The following EGFL7 variants were observed in gnomAD, a reference collection of about 807,000 sequenced individuals.
EGFL7 encodes EGF like domain multiple 7.
In EGFL7, 48 loss-of-function variants were observed where a neutral mutation model predicts 37.1. That is an observed-to-expected ratio of 1.29 (90% CI 1.03 to 1.65). The LOEUF is 1.65. Among genes scored for constraint, EGFL7 ranks in the 40% most tolerant of loss-of-function variants. The pLI is 0.00. For synonymous variants in EGFL7, 180 were observed against 156.8 expected, an observed-to-expected ratio of 1.15 and a Z score of -1.10; for missense variants, 384 against 378.9, an observed-to-expected ratio of 1.01 and a Z score of -0.11.
intron 4 of EGFL7, 33 bp downstream of exon 4, chr9:136,668,395 T>C: frequency 6.4e-7 from 1 of 1,550,702 alleles, no homozygotes; most frequent in South Asian, 1.2e-5. Flanking sequence ...AGTGCTGGGG[T>C]GGGGGGACCG....
chr9:136,671,909 C>A lies in EGFL7; in HGVS notation c.637-17C>A. On this transcript the variant is annotated splice_polypyrimidine_tract_variant and intron_variant, in intron 9 of 10. Coordinates refer to ENST00000308874, the MANE Select transcript of EGFL7 (RefSeq NM_016215.5). The stretch of plus-strand genomic sequence containing the variant: ...GGCGGGGGCCGGCCCAGGGTCACTG[C>A]CCTTCTGCACCCACAGAAGCTGCAG... 6.8e-7 allele frequency: 1 copy of A among 1,481,392 alleles called. No homozygotes were observed. 91.8% of individuals were successfully genotyped at this position (1,481,392 alleles called of 1,614,324 possible).
rs113610188 is a variant in EGFL7 at position 136,668,529 on chromosome 9, T to A, written c.81-28T>A. On this transcript the variant is annotated intron_variant, in intron 4 of 10. Transcript: ENST00000308874. ...TTCTTGGGTCCTGCTCTGGGACTCCTGGGCTGACCCCCTCTCCACCCCCGC... is the reference window on the plus strand; with the variant it reads ...TTCTTGGGTCCTGCTCTGGGACTCCAGGGCTGACCCCCTCTCCACCCCCGC... 37,513 of 1,599,918 alleles carry A rather than the reference T, an allele frequency of 0.023. 513 individuals carry two copies. The highest frequency in any genetic ancestry group is 0.037 in the Middle Eastern group (223 of 6,038).
In EGFL7 at chr9:136,672,364, T is replaced by G; in HGVS notation, c.*78T>G. On this transcript the variant is annotated 3_prime_UTR_variant, in exon 11 of 11. Transcript: ENST00000308874. ...ATGCCCCTGCCCAACATGCTGGGGG[T>G]CCAGAAACCACCTCGGGGTGACTGA... 6.3e-7 allele frequency: 1 copy of G among 1,580,374 alleles called. No homozygotes were observed. Among genetic ancestry groups the G allele is most frequent in the Non-Finnish European group, 8.7e-7 (1 of 1,151,304 alleles).
At position 136,670,018 on chromosome 9, in the gene EGFL7, G is replaced by A; in HGVS notation, c.409+9G>A. On this transcript the variant is annotated intron_variant, in intron 7 of 10. Transcript: ENST00000308874. ...TGACACTTGCCAGTCAGGTGAGGCT[G>A]GCTCTACCCTGGGGGGCCCTGGAAG... 6.3e-7 allele frequency: 1 copy of A among 1,591,524 alleles called. No individual in the cohort carries two copies. Among genetic ancestry groups the A allele is most frequent in the African/African-American group, 1.3e-5 (1 of 74,744 alleles).
intron 3 of EGFL7, among the ~76,000 whole-genome samples, chr9:136,667,744 C>T (rs886884539): frequency 2.0e-5 from 3 of 152,194 alleles, no homozygotes; most frequent in Admixed American, 6.5e-5. Flanking sequence ...CTGCTGGGGC[C>T]GGTTCCACAC....
At chr9:136,671,813 G>C (rs551896193) in intron 9 of EGFL7, 113 bp from the exon 10 acceptor site, 17 of 1,346,986 alleles carry the variant, frequency 1.3e-5, no homozygotes, top group South Asian at 4.8e-5. Flanking sequence ...GAGCCCTGCC[G>C]CGGAGGCGGG....
At chr9:136,658,973 A>C (rs1272975429), upstream of EGFL7, 1 of 149,854 alleles carries the variant, frequency 6.7e-6, no homozygotes, top group Non-Finnish European at 1.5e-5. Flanking sequence ...GGCCAGGGGA[A>C]GGGCGAGGGG....
chr9:136,668,521 G>A (rs888551652), intron 4 of EGFL7, 36 bp from the exon 5 acceptor site: 3 of 1,593,728 alleles, frequency 1.9e-6, no homozygotes, highest in East Asian at 2.2e-5. Flanking sequence ...GTCCTGCTCT[G>A]GGACTCCTGG....
At chr9:136,667,648 C>T (rs1845559042) in intron 3 of EGFL7, among the ~76,000 whole-genome samples, 2 of 152,340 alleles carry the variant, frequency 1.3e-5, no homozygotes, top group South Asian at 2.1e-4. Context: ...GAAGGACCCC[C>T]TCTAAAATGA....
At position 136,672,522 on chromosome 9, in the gene EGFL7, A is replaced by G; in HGVS notation, c.*236A>G. Reference sequence around the variant, plus strand: ...GGCTACCCCCACCCTGGCTACCCCAACGGCATCCCAAGGCCAGGTGGGCCC... The same window carrying G: ...GGCTACCCCCACCCTGGCTACCCCAGCGGCATCCCAAGGCCAGGTGGGCCC... On this transcript the variant is annotated 3_prime_UTR_variant, in exon 11 of 11. Transcript: ENST00000308874. 2 of 604,662 alleles carry G rather than the reference A, an allele frequency of 3.3e-6. No homozygotes were observed. Among genetic ancestry groups the G allele is most frequent in the South Asian group, 2.0e-5 (1 of 50,554 alleles). The allele number at this position is 604,662 out of a possible 1,614,324, so 37.5% of individuals were successfully genotyped here.
At chr9:136,665,825 C>T (rs924397094) in intron 3 of EGFL7, 4 of 144,064 alleles carry the variant, frequency 2.8e-5, no homozygotes, top group Non-Finnish European at 4.6e-5. Flanking sequence ...GCGGTGAGTG[C>T]GGAGCGAGCG....
chr9:136,669,418 C>T (rs897411069), intron 5 of EGFL7, among the ~76,000 whole-genome samples, 188 bp from the exon 6 acceptor site: 22 of 152,208 alleles, frequency 1.4e-4, no homozygotes, highest in African/African-American at 3.9e-4. Context: ...GCTTGAGTCC[C>T]GGCCAGCACC....
intron 2 of EGFL7, 45 bp from the exon 3 acceptor site, chr9:136,664,647 C>G (rs1434607479): frequency 6.5e-6 from 1 of 153,090 alleles, no homozygotes; most frequent in African/African-American, 2.4e-5. Context: ...ATCAGGGTGA[C>G]CAGGACTGTG....
chr9:136,668,623 C>T lies in EGFL7; in HGVS notation c.147C>T (p.Tyr49=), dbSNP rs2119125280. ...CCGAGTCGTTCGTGCAGCGTGTGTACCAGCCCTTCCTCACCACCTGCGACG... is the reference window on the plus strand; with the variant it reads ...CCGAGTCGTTCGTGCAGCGTGTGTATCAGCCCTTCCTCACCACCTGCGACG... The part of the protein sequence containing the change: ...PVSESFVQRV[Y]QPFLTTCDGH... Residue 49 remains tyrosine (Y), a synonymous_variant, in exon 5 of 11, where the codon TAC becomes TAT. Coordinates refer to ENST00000308874, the MANE Select transcript of EGFL7 (RefSeq NM_016215.5). The T allele has an allele frequency of 1.2e-6, 2 of 1,607,254 alleles. No homozygotes were observed. The highest frequency in any genetic ancestry group is 2.2e-5 in the South Asian group (2 of 91,084).
In EGFL7 at chr9:136,670,982, A is replaced by G. The variant is rs1343724130; in HGVS notation, c.604A>G (p.Arg202Gly). 1.5e-6 allele frequency: 2 copies of G among 1,351,196 alleles called. No individual in the cohort carries two copies. The highest frequency in any genetic ancestry group is 1.7e-5 in the African/African-American group (1 of 57,754). The allele number at this position is 1,351,196 out of a possible 1,614,324, so 83.7% of individuals were successfully genotyped here. The change falls in exon 9 of 11, where the codon AGG becomes GGG. Residue 202 changes from arginine to glycine, a missense_variant. Coordinates refer to ENST00000308874, the MANE Select transcript of EGFL7 (RefSeq NM_016215.5). ...VDSAMKEEVQ[R>G]LQSRVDLLEE... ...CAGTGCAATGAAGGAAGAAGTGCAG[A>G]GGCTGCAGTCCAGGGTGGACCTGCT...
chr9:136,664,081 C>T (rs953860166), intron 2 of EGFL7, among the ~76,000 whole-genome samples: 5 of 152,190 alleles, frequency 3.3e-5, no homozygotes, highest in Admixed American at 3.3e-4. Context: ...ACTCTGAACA[C>T]TTCACTGCTG....
intron 3 of EGFL7, among the ~76,000 whole-genome samples, chr9:136,667,170 G>C (rs1422397818): frequency 6.6e-6 from 1 of 152,216 alleles, no homozygotes; most frequent in Non-Finnish European, 1.5e-5. Context: ...AGGACTGGCT[G>C]TCAGAGCTGA....
upstream of EGFL7, among the ~76,000 whole-genome samples, chr9:136,662,561 C>T (rs977033882): frequency 1.3e-5 from 2 of 152,210 alleles, no homozygotes; most frequent in Admixed American, 6.5e-5. Flanking sequence ...GATGCAGCAG[C>T]TCCCTTCTGT....
At chr9:136,670,838 G>T in intron 8 of EGFL7, 112 bp from the exon 9 acceptor site, 1 of 1,051,382 alleles carries the variant, frequency 9.5e-7, no homozygotes, top group Non-Finnish European at 1.4e-6. Context: ...GGGGGCGGCA[G>T]AGGCCTGGGC....
Sources: allele counts gnomAD v4.1 joint callset (sites outside exome capture counted in the v4.1 genomes callset), GRCh38; gene constraint gnomAD v4.1.1; transcripts MANE v1.5; gene names NCBI Gene and HGNC (gene_info 2026-07-23, HGNC 2026-07-21).